Variants in LRRC18 observed in about 807,000 individuals in gnomAD.
The protein encoded by LRRC18 is leucine rich repeat containing 18, also known as leucine-rich repeat-containing protein 18.
Under a neutral mutation model 11.2 loss-of-function variants are expected in LRRC18, and 12 were observed. That is an observed-to-expected ratio of 1.07 (90% CI 0.69 to 1.74). The LOEUF (loss-of-function observed/expected upper bound fraction) is 1.74, where lower values mean the gene tolerates loss of function less well. Ranked by LOEUF, LRRC18 falls within the 40% of genes most tolerant of loss-of-function variation. The pLI is 0.00. For missense variants in LRRC18, 374 were observed against 330.5 expected (o/e 1.13, Z -1.02); for synonymous variants, 155 against 130.6 (o/e 1.19, Z -1.27).
At chr10:48,921,394 A>G in the LRRC18 span, among the ~76,000 whole-genome samples, 1 of 152,212 alleles carries the variant, frequency 6.6e-6, no homozygotes, top group Non-Finnish European at 1.5e-5. Flanking sequence ...TTAACAAACG[A>G]TGTTGAAATT....
intron 1 of LRRC18, among the ~76,000 whole-genome samples, chr10:48,910,580 C>T (rs1419666698): frequency 6.6e-6 from 1 of 152,176 alleles, no homozygotes; most frequent in African/African-American, 2.4e-5. Flanking sequence ...TCTCTATCTC[C>T]AGTCTGCTTC....
the LRRC18 span, among the ~76,000 whole-genome samples, chr10:48,927,914 AG>A: frequency 6.6e-6 from 1 of 152,250 alleles, no homozygotes; most frequent in Admixed American, 6.5e-5. Context: ...TAAGATGATT[AG>A]TTTAACAGAC....
upstream of LRRC18, among the ~76,000 whole-genome samples, chr10:48,916,062 G>A (rs1415650906): frequency 6.6e-6 from 1 of 152,222 alleles, no homozygotes; most frequent in Non-Finnish European, 1.5e-5. Flanking sequence ...AGCAAGTAAA[G>A]CCTTGGGCAG....
chr10:48,912,792 T>C (rs1022741205), intron 1 of LRRC18, among the ~76,000 whole-genome samples: 9 of 152,260 alleles, frequency 5.9e-5, no homozygotes, highest in African/African-American at 1.2e-4. Context: ...AGAAAGCTCA[T>C]AGAGCAAGTT....
chr10:48,933,833 T>G, the LRRC18 span, among the ~76,000 whole-genome samples: 1 of 152,094 alleles, frequency 6.6e-6, no homozygotes, highest in South Asian at 2.1e-4. Context: ...ATCATCTAGC[T>G]TTCACTCTCT....
At chr10:48,933,626 A>G in the LRRC18 span, among the ~76,000 whole-genome samples, 1 of 152,106 alleles carries the variant, frequency 6.6e-6, no homozygotes, top group African/African-American at 2.4e-5. Context: ...AGAAGCATGC[A>G]TGTGTTATTA....
chr10:48,934,601 G>A, the LRRC18 span, among the ~76,000 whole-genome samples: 9 of 152,216 alleles, frequency 5.9e-5, no homozygotes, highest in African/African-American at 1.7e-4. Context: ...TTATTAGTGG[G>A]TTCTAGTGTT....
At chr10:48,920,015 T>G in the LRRC18 span, among the ~76,000 whole-genome samples, 1 of 152,076 alleles carries the variant, frequency 6.6e-6, no homozygotes, top group African/African-American at 2.4e-5. Flanking sequence ...CAACATAGTA[T>G]TAGCAAATTG....
At chr10:48,912,376 C>A (rs1368353047) in intron 1 of LRRC18, among the ~76,000 whole-genome samples, 1 of 152,210 alleles carries the variant, frequency 6.6e-6, no homozygotes, top group Non-Finnish European at 1.5e-5. Flanking sequence ...AGTGAGGGAA[C>A]CTAAGCTATG....
At chr10:48,921,363 A>G in the LRRC18 span, among the ~76,000 whole-genome samples, 2 of 152,232 alleles carry the variant, frequency 1.3e-5, no homozygotes, top group Non-Finnish European at 2.9e-5. Context: ...AAGGATGTTC[A>G]ATGGAGAGAA....
chr10:48,938,669 G>C, the LRRC18 span, among the ~76,000 whole-genome samples: 2 of 152,232 alleles, frequency 1.3e-5, no homozygotes, highest in African/African-American at 2.4e-5. Flanking sequence ...GGTAGGGAAG[G>C]CCCTAAGGCC....
At chr10:48,934,882 CAAT>C in the LRRC18 span, among the ~76,000 whole-genome samples, 40 of 152,292 alleles carry the variant, frequency 2.6e-4, no homozygotes, top group Non-Finnish European at 2.1e-4. Flanking sequence ...CCCAAAGCAC[CAAT>C]GACTTGCACA....
chr10:48,930,205 T>G, the LRRC18 span, among the ~76,000 whole-genome samples: 1 of 152,192 alleles, frequency 6.6e-6, no homozygotes, highest in Middle Eastern at 3.2e-3. Flanking sequence ...CCAGATTTCA[T>G]AGCTGAGAGT....
chr10:48,924,131 C>T, the LRRC18 span, among the ~76,000 whole-genome samples: 80,701 of 152,166 alleles, frequency 0.53, 24,124 homozygotes, highest in East Asian at 1. Context: ...TAATGTACTT[C>T]ACCTCCCCAG....
At chr10:48,929,399 C>G in the LRRC18 span, among the ~76,000 whole-genome samples, 1 of 152,154 alleles carries the variant, frequency 6.6e-6, no homozygotes. Flanking sequence ...CTATTGTGTC[C>G]TGGACTCCAT....
the LRRC18 span, among the ~76,000 whole-genome samples, chr10:48,924,870 A>G: frequency 2.6e-5 from 4 of 152,230 alleles, no homozygotes; most frequent in Non-Finnish European, 2.9e-5. Context: ...TTTGACTACA[A>G]TTTTAAGCAG....
chr10:48,938,317 T>G, the LRRC18 span, among the ~76,000 whole-genome samples: 1 of 152,256 alleles, frequency 6.6e-6, no homozygotes, highest in Admixed American at 6.5e-5. Flanking sequence ...GGGCTACACC[T>G]AGCCTCCTAG....
chr10:48,911,127 A>G (rs1837962242), intron 1 of LRRC18, among the ~76,000 whole-genome samples: 1 of 152,234 alleles, frequency 6.6e-6, no homozygotes, highest in Non-Finnish European at 1.5e-5. Context: ...GGATATGTCC[A>G]AGACCTGGCA....
At chr10:48,935,857 C>T in the LRRC18 span, among the ~76,000 whole-genome samples, 2 of 150,860 alleles carry the variant, frequency 1.3e-5, no homozygotes, top group Admixed American at 1.3e-4. Context: ...TCCAGCCTGG[C>T]ATTATCATGA....
Sources: gnomAD v4.1 joint callset for allele counts (sites outside exome capture counted in the v4.1 genomes callset) on GRCh38, gnomAD v4.1.1 for gene constraint, MANE v1.5 for transcripts, NCBI Gene and HGNC (gene_info 2026-07-23, HGNC 2026-07-21) for gene names.